GSK3B: variants seen among roughly 807,000 people sequenced by gnomAD.
The protein encoded by GSK3B is glycogen synthase kinase-3 beta.
Under a neutral mutation model 56.4 loss-of-function variants are expected in GSK3B, and 15 were observed. That is an observed-to-expected ratio of 0.27 (90% CI 0.18 to 0.41). GSK3B has a LOEUF of 0.41. Ranked by LOEUF, GSK3B falls within the 10% of genes least tolerant of loss-of-function variation. The pLI, the probability that GSK3B is intolerant of heterozygous loss-of-function variation, is 1.00. For synonymous variants in GSK3B, 181 were observed against 188.9 expected, an observed-to-expected ratio of 0.96 and a Z score of 0.34; for missense variants, 300 against 513.4, an observed-to-expected ratio of 0.58 and a Z score of 4.02.
intron 7 of GSK3B, among the ~76,000 whole-genome samples, chr3:119,877,439 T>C (rs1045011089): frequency 3.9e-5 from 6 of 152,214 alleles, no homozygotes; most frequent in Admixed American, 3.9e-4. Context: ...TAAATAGTTG[T>C]ATTGTTTTTA....
chr3:120,061,442 T>C (rs541155175), intron 1 of GSK3B, among the ~76,000 whole-genome samples: 4 of 152,370 alleles, frequency 2.6e-5, no homozygotes, highest in East Asian at 1.9e-4. Flanking sequence ...ATTTTCACTA[T>C]TATCAATTTA....
chr3:119,881,213 C>T (rs1362334773), intron 7 of GSK3B, among the ~76,000 whole-genome samples: 2 of 152,072 alleles, frequency 1.3e-5, no homozygotes, highest in South Asian at 2.1e-4. Flanking sequence ...AATGAATGCA[C>T]ACAACATGAC....
intron 1 of GSK3B, among the ~76,000 whole-genome samples, chr3:120,069,524 G>C (rs1484934335): frequency 1.3e-5 from 2 of 152,136 alleles, no homozygotes; most frequent in African/African-American, 4.8e-5. Flanking sequence ...CCAGTTGGGG[G>C]TGTGGGGGAC....
At chr3:120,043,333 TC>T (rs2058078437) in intron 1 of GSK3B, among the ~76,000 whole-genome samples, 1 of 152,206 alleles carries the variant, frequency 6.6e-6, no homozygotes, top group South Asian at 2.1e-4. Context: ...CTCTCTTTCA[TC>T]TTTCCATCTA....
At chr3:120,028,883 A>C in intron 1 of GSK3B, 1 of 494,918 alleles carries the variant, frequency 2.0e-6, no homozygotes, top group East Asian at 4.3e-5. Context: ...TCTTCGCAAA[A>C]ATGTGGATTC....
chr3:119,954,316 AACAG>A lies in GSK3B; in HGVS notation c.283-6969_283-6966del, dbSNP rs769316872. ...ATAGAATAGAATAGAAAAGAAACAG[AACAG>A]AACAGAACAGCATAGCATAAAATAG... On this transcript the variant is annotated intron_variant, in intron 2 of 10. Transcript: ENST00000264235. Among the ~76,000 whole-genome samples the A allele has an allele frequency of 1.3e-4, 17 of 130,790 alleles. No individual in the cohort carries two copies. The South Asian group carries it at 1.3e-3, about 10-fold the overall frequency. The allele number at this position is 130,790 out of a possible 152,430, so 85.8% of individuals were successfully genotyped here.
chr3:120,088,942 C>G (rs932940102), intron 1 of GSK3B, among the ~76,000 whole-genome samples: 8 of 152,200 alleles, frequency 5.3e-5, no homozygotes, highest in Non-Finnish European at 1.2e-4. Flanking sequence ...TGTTTCACAG[C>G]CTTCTCTATG....
chr3:119,987,910 T>A (rs183607321), intron 2 of GSK3B, among the ~76,000 whole-genome samples: 1 of 152,228 alleles, frequency 6.6e-6, no homozygotes, highest in African/African-American at 2.4e-5. Flanking sequence ...TTCTGATATA[T>A]ATTAGTGTAC....
intron 10 of GSK3B, among the ~76,000 whole-genome samples, chr3:119,836,852 T>G (rs1247283643): frequency 2.0e-5 from 3 of 152,232 alleles, no homozygotes; most frequent in Non-Finnish European, 4.4e-5. Context: ...ACATTTCTAG[T>G]AGGCTCTGCC....
rs202156812 is a variant in GSK3B at position 119,967,834 on chromosome 3, TTCTCTCTCTC to T, written c.283-20493_283-20484del. Among the ~76,000 whole-genome samples the T allele has an allele frequency of 4.7e-4, 56 of 119,010 alleles. 1 individual carries two copies. The highest frequency in any genetic ancestry group is 1.2e-3 in the African/African-American group (37 of 29,844). 78.1% of individuals were successfully genotyped at this position (119,010 alleles called of 152,430 possible). A position where few individuals can be genotyped will look rare whatever the true frequency, so the allele number is the denominator to read the frequency against. ...CCTCCCTCCCTTTCTCTCTTTCTCT[TTCTCTCTCTC>T]TCTCTCTCTCTCTCTCTCTCTCCTT... On this transcript the variant is annotated intron_variant, in intron 2 of 10. Coordinates refer to ENST00000264235, the MANE Select transcript of GSK3B (RefSeq NM_001146156.2).
At chr3:119,934,763 A>G (rs2056978396) in intron 3 of GSK3B, among the ~76,000 whole-genome samples, 2 of 152,210 alleles carry the variant, frequency 1.3e-5, no homozygotes, top group Non-Finnish European at 2.9e-5. Flanking sequence ...TAAAAAGGGA[A>G]CATGTTCCAA....
chr3:120,038,605 G>A (rs930995109), intron 1 of GSK3B, among the ~76,000 whole-genome samples: 4 of 152,146 alleles, frequency 2.6e-5, no homozygotes, highest in Non-Finnish European at 5.9e-5. Flanking sequence ...TAGAATAAGC[G>A]ACCATCTACA....
intron 7 of GSK3B, among the ~76,000 whole-genome samples, chr3:119,895,624 A>G (rs1028298823): frequency 5.9e-5 from 9 of 152,150 alleles, no homozygotes; most frequent in Admixed American, 3.3e-4. Flanking sequence ...ATTCTTTTGC[A>G]TATGGATCCA....
At chr3:120,027,394 A>G (rs1008819579) in intron 1 of GSK3B, among the ~76,000 whole-genome samples, 8 of 151,836 alleles carry the variant, frequency 5.3e-5, no homozygotes, top group African/African-American at 1.9e-4. Context: ...AAAAAAAAAA[A>G]GCAGAGCAAC....
At chr3:119,995,260 G>A (rs1383945197) in intron 2 of GSK3B, among the ~76,000 whole-genome samples, 1 of 151,854 alleles carries the variant, frequency 6.6e-6, no homozygotes, top group Non-Finnish European at 1.5e-5. Context: ...CTAAAGCCTA[G>A]GAGTTGAAGG....
chr3:119,878,387 A>C (rs1312073615), intron 7 of GSK3B, among the ~76,000 whole-genome samples: 3 of 152,148 alleles, frequency 2.0e-5, no homozygotes, highest in Non-Finnish European at 4.4e-5. Context: ...ATTAATCATT[A>C]GGGAAATGCT....
chr3:120,079,140 C>A (rs1030523489), intron 1 of GSK3B, among the ~76,000 whole-genome samples: 1 of 151,326 alleles, frequency 6.6e-6, no homozygotes, highest in Non-Finnish European at 1.5e-5. Context: ...CAGGGTTTCA[C>A]CATGTTGGCC....
At chr3:119,912,579 G>GA (rs200784727) in intron 6 of GSK3B, 125 bp downstream of exon 6, 38 of 452,248 alleles carry the variant, frequency 8.4e-5, no homozygotes, top group Non-Finnish European at 1.0e-4. Flanking sequence ...CAAGCTTTAA[G>GA]AAAAAAAACA....
chr3:120,082,116 C>T (rs1051779937), intron 1 of GSK3B, among the ~76,000 whole-genome samples: 3 of 152,152 alleles, frequency 2.0e-5, no homozygotes, highest in Non-Finnish European at 4.4e-5. Context: ...GAAAGAATCA[C>T]TACCCACCCT....
Sources: gnomAD v4.1 joint callset for allele counts (sites outside exome capture counted in the v4.1 genomes callset) on GRCh38, gnomAD v4.1.1 for gene constraint, MANE v1.5 for transcripts, NCBI Gene and HGNC (gene_info 2026-07-23, HGNC 2026-07-21) for gene names.